LARP4B: variants seen among roughly 807,000 people sequenced by gnomAD.
LARP4B encodes La ribonucleoprotein 4B.
In LARP4B, 12 loss-of-function variants were observed where a neutral mutation model predicts 89.8. The ratio of observed to expected loss-of-function variants is 0.13; its 90% CI spans 0.09 to 0.22. The LOEUF is 0.22. LARP4B is among the 10% of genes least tolerant of loss of function. LARP4B has a pLI of 1.00. For missense variants in LARP4B, 757 were observed against 947.7 expected, an observed-to-expected ratio of 0.80 and a Z score of 2.64; for synonymous variants, 367 against 363.3, an observed-to-expected ratio of 1.01 and a Z score of -0.12.
chr10:914,025 T>G (rs571574710), intron 1 of LARP4B, among the ~76,000 whole-genome samples: 1 of 152,364 alleles, frequency 6.6e-6, no homozygotes, highest in Admixed American at 6.5e-5. Context: ...AGCCATGTTA[T>G]GTTAATTAAC....
rs958720733 is a variant in LARP4B at position 918,912 on chromosome 10, T to TA, written c.-40+12515dup. Among the ~76,000 whole-genome samples, 143 of 149,866 alleles carry TA rather than the reference T, an allele frequency of 9.5e-4. 1 individual carries two copies. Among genetic ancestry groups the TA allele is most frequent in the South Asian group, 6.6e-3 (31 of 4,726 alleles). ...TAACACGGTGAAACCCCATCTCTAA[T>TA]AAAAAAAAATACAAAAAAATTAGCT... On this transcript the variant is annotated intron_variant, in intron 1 of 17. Transcript: ENST00000316157.
the LARP4B span, among the ~76,000 whole-genome samples, chr10:949,619 T>C: frequency 6.6e-6 from 1 of 152,270 alleles, no homozygotes; most frequent in Non-Finnish European, 1.5e-5. Flanking sequence ...TGCATCACTC[T>C]GTTATTTTCA....
rs1052804211 is a variant in LARP4B at position 907,576 on chromosome 10, C to T, written c.-39-21816G>A. Reference sequence around the variant, plus strand: ...TCAAAACAAATCACTAAAGAAGTTCCGAAGTGGCAAACACATACTGAAACA... The same window carrying T: ...TCAAAACAAATCACTAAAGAAGTTCTGAAGTGGCAAACACATACTGAAACA... On this transcript the variant is annotated intron_variant, in intron 1 of 17. Transcript: ENST00000316157. Among the ~76,000 whole-genome samples the T allele has an allele frequency of 5.9e-5, 9 of 152,210 alleles. No homozygotes were observed. The South Asian group carries it at 8.3e-4, about 14-fold the overall frequency.
At position 851,436 on chromosome 10, in the gene LARP4B, G is replaced by A. The variant is rs188582880; in HGVS notation, c.431-6381C>T. Among the ~76,000 whole-genome samples the A allele has an allele frequency of 1.8e-3, 268 of 152,088 alleles. 1 individual carries two copies. The highest frequency in any genetic ancestry group is 2.5e-3 in the Non-Finnish European group (170 of 67,994). ...TGACCTCACGTGATCTGCCCGCCTC[G>A]GCCTCTCAAAGTGCTGGGATTACAG... is the stretch of plus-strand genomic sequence containing the variant. On this transcript the variant is annotated intron_variant, in intron 5 of 17. Coordinates refer to ENST00000316157, the MANE Select transcript of LARP4B (RefSeq NM_015155.3).
chr10:874,234 C>CAAACA lies in LARP4B; in HGVS notation c.142-9969_142-9965dup, dbSNP rs111889691. 2.3e-3 allele frequency among the ~76,000 whole-genome samples: 344 copies of CAAACA among 152,012 alleles called. 1 individual carries two copies. Among genetic ancestry groups the CAAACA allele is most frequent in the African/African-American group, 7.4e-3 (305 of 41,430 alleles). Reference sequence around the variant, plus strand: ...GGGTGACAAGAGTGAGACTCCATCTCAAACAAAACAAAACAAAACAAAACA... The same window carrying CAAACA: ...GGGTGACAAGAGTGAGACTCCATCTCAAACAAAACAAAACAAAACAAAACAAAACA... On this transcript the variant is annotated intron_variant, in intron 3 of 17. Coordinates refer to ENST00000316157, the MANE Select transcript of LARP4B (RefSeq NM_015155.3).
upstream of LARP4B, among the ~76,000 whole-genome samples, chr10:932,355 C>T (rs1589002554): frequency 7.9e-6 from 1 of 126,320 alleles, no homozygotes; most frequent in African/African-American, 3.3e-5. Flanking sequence ...CGAACTCCCA[C>T]CCCACACCCG....
At chr10:834,493 G>A (rs746171102) in intron 8 of LARP4B, among the ~76,000 whole-genome samples, 1 of 152,166 alleles carries the variant, frequency 6.6e-6, no homozygotes, top group Non-Finnish European at 1.5e-5. Flanking sequence ...GAAACTCCTA[G>A]CCTACATTTC....
chr10:984,220 A>C, the LARP4B span, among the ~76,000 whole-genome samples: 1 of 152,292 alleles, frequency 6.6e-6, no homozygotes, highest in African/African-American at 2.4e-5. Context: ...TGCAACATGA[A>C]ACTTGTCTTT....
rs573908974 is a variant in LARP4B, at chr10:909,281, A to G, written c.-40+22147T>C. On this transcript the variant is annotated intron_variant, in intron 1 of 17. Coordinates refer to ENST00000316157, the MANE Select transcript of LARP4B (RefSeq NM_015155.3). ...TGCAATCCAGCCTGGGCGACAGAGC[A>G]CGACTCCGTCTCAAAAAAAAAAAAA... Among the ~76,000 whole-genome samples the G allele has an allele frequency of 7.1e-3, 958 of 135,384 alleles. 10 individuals carry two copies. The highest frequency in any genetic ancestry group is 0.023 in the African/African-American group (840 of 35,898). 88.8% of individuals were successfully genotyped at this position (135,384 alleles called of 152,430 possible).
At chr10:927,627 T>C (rs559996470) in intron 1 of LARP4B, among the ~76,000 whole-genome samples, 1 of 152,202 alleles carries the variant, frequency 6.6e-6, no homozygotes, top group African/African-American at 2.4e-5. Context: ...TACTCTAAAA[T>C]AAGCTTTTAC....
chr10:936,304 C>T (rs192397341), upstream of LARP4B, among the ~76,000 whole-genome samples: 19 of 152,080 alleles, frequency 1.2e-4, no homozygotes, highest in East Asian at 3.7e-3. Flanking sequence ...GCTTGGGTGG[C>T]TCACAAGCGG....
chr10:978,743 C>T, the LARP4B span, among the ~76,000 whole-genome samples: 703 of 152,212 alleles, frequency 4.6e-3, 5 homozygotes, highest in South Asian at 6.6e-3. Flanking sequence ...TTTTTATGCA[C>T]TTTATTTGTT....
intron 15 of LARP4B, chr10:815,749 A>G (rs560591404): frequency 6.6e-6 from 1 of 152,328 alleles, no homozygotes; most frequent in South Asian, 2.1e-4. Context: ...CTTGTCATGC[A>G]ACTTAAAAAA....
chr10:814,966 G>A lies in LARP4B; in HGVS notation c.1800C>T (p.Pro600=). 2 of 1,602,404 alleles carry A rather than the reference G, an allele frequency of 1.2e-6. No individual in the cohort carries two copies. The highest frequency in any genetic ancestry group is 1.1e-5 in the South Asian group (1 of 89,526). Residue 600 remains proline (P), a synonymous_variant, in exon 16 of 18, where the codon CCC becomes CCT. Transcript: ENST00000316157. This position sits in a 1 kb window ranked among gnomAD's most constrained non-coding sequence, Gnocchi z 4.4. The part of the protein sequence containing the change: ...CAVSATYERS[P]SPAHLPDDPK... ...CTCACTCGGGTAAATGAGCTGGGGA[G>A]GGGGATCGCTCGTACGTTGCTGATA...
chr10:970,352 A>G, the LARP4B span, among the ~76,000 whole-genome samples: 2,611 of 152,132 alleles, frequency 0.017, 74 homozygotes, highest in African/African-American at 0.059. Flanking sequence ...GAACACTAAC[A>G]CCCATCTTTC....
chr10:889,742 G>A (rs539388927), intron 1 of LARP4B, among the ~76,000 whole-genome samples: 6 of 152,268 alleles, frequency 3.9e-5, no homozygotes, highest in Admixed American at 3.3e-4. Context: ...CTGAGGTCAG[G>A]AGTTCAAGAC....
chr10:863,610 G>T, intron 5 of LARP4B, 133 bp downstream of exon 5: 1 of 973,696 alleles, frequency 1.0e-6, no homozygotes, highest in East Asian at 2.6e-5. Flanking sequence ...ATCCACATAA[G>T]GGTGAGTTTA....
At chr10:833,146 A>C (rs1367860201) in intron 8 of LARP4B, among the ~76,000 whole-genome samples, 1 of 150,988 alleles carries the variant, frequency 6.6e-6, no homozygotes, top group Non-Finnish European at 1.5e-5. Context: ...ACCCTAAAGA[A>C]AGGGGGTCCA....
chr10:960,866 T>C, the LARP4B span, among the ~76,000 whole-genome samples: 1 of 152,146 alleles, frequency 6.6e-6, no homozygotes, highest in African/African-American at 2.4e-5. Flanking sequence ...TGTCATCATT[T>C]ATATTCTCAG....
Sources: allele counts gnomAD v4.1 joint callset (sites outside exome capture counted in the v4.1 genomes callset), GRCh38; gene constraint gnomAD v4.1.1; non-coding constraint Gnocchi (gnomAD v3.1); transcripts MANE v1.5; gene names NCBI Gene and HGNC (gene_info 2026-07-23, HGNC 2026-07-21).